The following FLNB variants were observed in gnomAD, a reference collection of about 807,000 sequenced individuals.
FLNB encodes the protein filamin-B.
Under a neutral mutation model 250.6 loss-of-function variants are expected in FLNB, and 111 were observed. The ratio of observed to expected loss-of-function variants is 0.44; its 90% CI spans 0.38 to 0.52. FLNB has a LOEUF of 0.52. FLNB is among the 20% of genes least tolerant of loss of function. The probability of loss-of-function intolerance (pLI) is 0.00; values close to 1 mark genes in which losing one functional copy is unlikely to be tolerated. For missense variants in FLNB, 2,869 were observed against 3,447.8 expected (o/e 0.83, Z 4.20); for synonymous variants, 1,302 against 1,372.1 (o/e 0.95, Z 1.13).
In FLNB at chr3:58,126,591, A is replaced by G. The variant is rs748438919; in HGVS notation, c.4062-11A>G. The G allele has an allele frequency of 6.8e-6, 11 of 1,613,374 alleles. No individual in the cohort carries two copies. Among genetic ancestry groups the G allele is most frequent in the Admixed American group, 3.3e-5 (2 of 60,004 alleles). Reference sequence around the variant, plus strand: ...TGGTGCACATTTCACTTTCTTTTCCACTCTTTCCAGAGGCGCAGGAATTGG... The same window carrying G: ...TGGTGCACATTTCACTTTCTTTTCCGCTCTTTCCAGAGGCGCAGGAATTGG... On this transcript the variant is annotated splice_polypyrimidine_tract_variant and intron_variant, in intron 23 of 45. Transcript: ENST00000295956.
chr3:58,133,096 C>A (rs2097310353), intron 26 of FLNB, among the ~76,000 whole-genome samples, 165 bp downstream of exon 26: 1 of 151,928 alleles, frequency 6.6e-6, no homozygotes, highest in East Asian at 1.9e-4. Flanking sequence ...TCCATCAGTC[C>A]ATCCATCCAT....
chr3:58,028,385 AT>A (rs1007641199), intron 1 of FLNB, among the ~76,000 whole-genome samples: 5 of 151,812 alleles, frequency 3.3e-5, no homozygotes, highest in Admixed American at 1.3e-4. Context: ...GTTGTTTAGA[AT>A]TTTTTTTAAT....
At chr3:58,035,184 C>T (rs1237918848) in intron 1 of FLNB, among the ~76,000 whole-genome samples, 2 of 152,180 alleles carry the variant, frequency 1.3e-5, no homozygotes, top group Non-Finnish European at 2.9e-5. Context: ...GGGTAATCCC[C>T]TTGTCCACAT....
intron 1 of FLNB, among the ~76,000 whole-genome samples, chr3:58,050,269 C>T (rs781641849): frequency 6.6e-6 from 1 of 152,044 alleles, no homozygotes; most frequent in Non-Finnish European, 1.5e-5. Context: ...ACCTCGTTAT[C>T]CACCCGCCTC....
chr3:58,121,143 A>G (rs1472938466), intron 19 of FLNB, 98 bp from the exon 20 acceptor site: 1 of 1,498,328 alleles, frequency 6.7e-7, no homozygotes, highest in Non-Finnish European at 9.3e-7. Flanking sequence ...AGGCTGAGAT[A>G]AGTCCCCGTG....
At chr3:58,072,642 C>T (rs1383346510) in intron 1 of FLNB, among the ~76,000 whole-genome samples, 2 of 152,092 alleles carry the variant, frequency 1.3e-5, no homozygotes, top group Non-Finnish European at 2.9e-5. Flanking sequence ...TTTGGTGAAG[C>T]GTTTGAACCT....
chr3:58,109,490 G>A (rs2097264939), intron 14 of FLNB, 86 bp from the exon 15 acceptor site: 4 of 1,609,282 alleles, frequency 2.5e-6, no homozygotes, highest in Non-Finnish European at 3.4e-6. Flanking sequence ...CTGCTCAGAA[G>A]AACTATTTCT....
At position 58,097,965 on chromosome 3, in the gene FLNB, A is replaced by T. The variant is rs374118649; in HGVS notation, c.1135A>T (p.Ile379Phe). 1.2e-6 allele frequency: 2 copies of T among 1,613,934 alleles called. No individual in the cohort carries two copies. Among genetic ancestry groups the T allele is most frequent in the African/African-American group, 2.7e-5 (2 of 74,918 alleles). ...CGCCAATAAGCCCACCTACTTTGAC[A>T]TCTATACGGCAGGTAACGTGCCTCT... ...NIANKPTYFD[I>F]YTAGAGVGDI... The change falls in exon 7 of 46, where the codon ATC (isoleucine) becomes TTC (phenylalanine). Residue 379 changes from isoleucine to phenylalanine, a missense_variant. Transcript: ENST00000295956.
At chr3:58,066,311 C>A (rs184260418) in intron 1 of FLNB, among the ~76,000 whole-genome samples, 1 of 151,716 alleles carries the variant, frequency 6.6e-6, no homozygotes, top group East Asian at 1.9e-4. Flanking sequence ...CCTCTACCTC[C>A]TGGGTTCAAG....
chr3:58,143,648 C>T (rs1312469417), intron 32 of FLNB, 35 bp downstream of exon 32: 1 of 1,612,266 alleles, frequency 6.2e-7, no homozygotes, highest in Non-Finnish European at 8.5e-7. Context: ...AGGGCTCCAC[C>T]ATTCAGGGGC....
At chr3:58,053,483 G>C (rs2097165683) in intron 1 of FLNB, among the ~76,000 whole-genome samples, 1 of 152,138 alleles carries the variant, frequency 6.6e-6, no homozygotes, top group Admixed American at 6.5e-5. Flanking sequence ...TATTTATTGA[G>C]ACGGAGTCTC....
In FLNB at chr3:58,163,543, T is replaced by A. The variant is rs909325025; in HGVS notation, c.7198+213T>A. ...CAGAGTGAGAGCTCGATGGCCGTGT[T>A]ATCACACCTCATTACTGTTAGTTGT... On this transcript the variant is annotated intron_variant, in intron 43 of 45. Transcript: ENST00000295956. The A allele has an allele frequency of 5.6e-5, 33 of 588,618 alleles. No homozygotes were observed. The Admixed American group carries it at 5.9e-4, about 10-fold the overall frequency. The allele number at this position is 588,618 out of a possible 1,614,324, so 36.5% of individuals were successfully genotyped here.
At chr3:58,058,256 G>A (rs542478742) in intron 1 of FLNB, among the ~76,000 whole-genome samples, 7 of 152,272 alleles carry the variant, frequency 4.6e-5, no homozygotes, top group African/African-American at 1.7e-4. Flanking sequence ...CTCCTGTGTA[G>A]GAAGTTTAGA....
intron 1 of FLNB, among the ~76,000 whole-genome samples, chr3:58,018,327 CTTTTTTTTTTTT>C (rs60851192): frequency 1.0e-3 from 66 of 63,238 alleles, no homozygotes; most frequent in Non-Finnish European, 1.5e-3. Context: ...TATTCATTGA[CTTTTTTTTTTTT>C]TTTTTTTTTT....
intron 3 of FLNB, among the ~76,000 whole-genome samples, chr3:58,080,568 C>A (rs1051933202): frequency 6.7e-6 from 1 of 149,414 alleles, no homozygotes; most frequent in Non-Finnish European, 1.5e-5. Flanking sequence ...GATCTCAGCT[C>A]ACTGCAACCT....
At chr3:58,068,668 A>C (rs2097189556) in intron 1 of FLNB, among the ~76,000 whole-genome samples, 1 of 152,174 alleles carries the variant, frequency 6.6e-6, no homozygotes, top group Admixed American at 6.5e-5. Flanking sequence ...TGCAAAGCTG[A>C]CCTGGGCTGT....
chr3:58,070,087 C>T (rs1245609815), intron 1 of FLNB, among the ~76,000 whole-genome samples: 2 of 143,252 alleles, frequency 1.4e-5, no homozygotes, highest in Non-Finnish European at 3.0e-5. Context: ...CTCTTTCTGT[C>T]ACCCAGGCTG....
In FLNB at chr3:58,138,272, T is replaced by C. The variant is rs1330154463; in HGVS notation, c.4862-10T>C. ...ATACTTCCATTCTCTTCCCCTGAAC[T>C]CTTCTCCAGGTCCTGGAATCGCCTC... On this transcript the variant is annotated splice_polypyrimidine_tract_variant and intron_variant, in intron 28 of 45. Coordinates refer to ENST00000295956, the MANE Select transcript of FLNB (RefSeq NM_001457.4). The C allele has an allele frequency of 2.5e-6, 4 of 1,613,478 alleles. No individual in the cohort carries two copies. The highest frequency in any genetic ancestry group is 3.4e-6 in the Non-Finnish European group (4 of 1,179,964).
chr3:58,128,458 G>T (rs1342372276), intron 24 of FLNB, among the ~76,000 whole-genome samples: 3 of 152,154 alleles, frequency 2.0e-5, no homozygotes, highest in Non-Finnish European at 2.9e-5. Flanking sequence ...GCAAGACAAA[G>T]TTCCTGCCCT....
Sources: gnomAD v4.1 joint callset for allele counts (sites outside exome capture counted in the v4.1 genomes callset) on GRCh38, gnomAD v4.1.1 for gene constraint, MANE v1.5 for transcripts, NCBI Gene and HGNC (gene_info 2026-07-23, HGNC 2026-07-21) for gene names.